Variants in CSMD1 observed in about 807,000 individuals in gnomAD.
CSMD1 encodes the protein CUB and sushi domain-containing protein 1.
CSMD1 carries 213 observed loss-of-function variants against 417.5 expected under a neutral mutation model. The ratio of observed to expected loss-of-function variants is 0.51; its 90% confidence interval spans 0.46 to 0.57. The LOEUF (loss-of-function observed/expected upper bound fraction) is 0.57. Ranked by LOEUF, CSMD1 falls within the 20% of genes least tolerant of loss-of-function variation. The pLI is 0.00. For missense variants in CSMD1, 6,923 were observed against 4,529.7 expected (o/e 1.53, Z -15.17); for synonymous variants, 2,862 against 1,736.8 (o/e 1.65, Z -16.11).
intron 5 of CSMD1, among the ~76,000 whole-genome samples, chr8:3,962,725 C>T (rs966313663): frequency 1.2e-4 from 18 of 152,028 alleles, no homozygotes; most frequent in Non-Finnish European, 2.1e-4. Context: ...GCAGACTCTT[C>T]GGGTTGGACT....
chr8:3,643,128 A>T (rs1020196199), intron 7 of CSMD1, among the ~76,000 whole-genome samples: 2 of 152,118 alleles, frequency 1.3e-5, no homozygotes, highest in African/African-American at 2.4e-5. Context: ...ACAATTTAAC[A>T]GTCAGGGAAA....
intron 2 of CSMD1, among the ~76,000 whole-genome samples, chr8:4,548,531 G>T (rs904736331): frequency 6.6e-6 from 1 of 152,024 alleles, no homozygotes; most frequent in Non-Finnish European, 1.5e-5. Flanking sequence ...AAAAATGAAT[G>T]CCTTTCATGT....
intron 2 of CSMD1, among the ~76,000 whole-genome samples, chr8:4,471,574 G>A (rs749862710): frequency 4.6e-5 from 7 of 151,996 alleles, no homozygotes; most frequent in Admixed American, 2.0e-4. Context: ...ACGAAGGCCC[G>A]TTTTAGAGAG....
At chr8:3,448,755 A>G (rs1815497113) in intron 12 of CSMD1, among the ~76,000 whole-genome samples, 1 of 152,182 alleles carries the variant, frequency 6.6e-6, no homozygotes, top group African/African-American at 2.4e-5. Flanking sequence ...GATGCATTAC[A>G]GAGAAAAGCT....
At chr8:4,390,981 C>G (rs924889434) in intron 3 of CSMD1, among the ~76,000 whole-genome samples, 2 of 152,166 alleles carry the variant, frequency 1.3e-5, no homozygotes, top group African/African-American at 4.8e-5. Context: ...CTGTAACTTT[C>G]TACCATATGT....
rs964461180 is a variant in CSMD1 at position 3,639,658 on chromosome 8, C to T, written c.1010-22861G>A. 2.0e-5 allele frequency among the ~76,000 whole-genome samples: 3 copies of T among 152,178 alleles called. No individual in the cohort carries two copies. In the South Asian group the frequency reaches 6.2e-4, roughly 32 times the overall value. ...CCCTCATTTGAACACTGTATCAAAA[C>T]ATAAGTGGAATGATGTATGTAAACC... On this transcript the variant is annotated intron_variant, in intron 7 of 69. Transcript: ENST00000635120.
intron 5 of CSMD1, among the ~76,000 whole-genome samples, chr8:3,817,292 T>TTTTTTTTTTTTTTTA (rs1563109891): frequency 2.1e-5 from 2 of 93,548 alleles, no homozygotes; most frequent in African/African-American, 1.1e-4. Flanking sequence ...TTTTTTTTTT[T>TTTTTTTTTTTTTTTA]TTTTTTGAGA....
chr8:3,821,873 G>A (rs145495464), intron 5 of CSMD1, among the ~76,000 whole-genome samples: 1 of 152,164 alleles, frequency 6.6e-6, no homozygotes, highest in Non-Finnish European at 1.5e-5. Flanking sequence ...AAGTCACACG[G>A]AGAAGGTAAA....
intron 3 of CSMD1, among the ~76,000 whole-genome samples, chr8:4,089,861 C>T (rs1800625154): frequency 1.3e-5 from 2 of 152,128 alleles, no homozygotes; most frequent in Non-Finnish European, 2.9e-5. Context: ...GGTGGGATCT[C>T]ACCACAGAGA....
intron 3 of CSMD1, among the ~76,000 whole-genome samples, chr8:4,329,868 AC>A (rs1799770762): frequency 6.6e-6 from 1 of 151,538 alleles, no homozygotes; most frequent in Non-Finnish European, 1.5e-5. Context: ...ACACACACAC[AC>A]ACACAGACAC....
Position 4,823,580 on chromosome 8 carries a change from G to A in CSMD1, c.85+170752C>T, listed in dbSNP as rs60628717. On this transcript the variant is annotated intron_variant, in intron 1 of 69. Coordinates refer to ENST00000635120, the MANE Select transcript of CSMD1 (RefSeq NM_033225.6). Reference sequence around the variant, plus strand: ...GTAGTATATGAGCCCAGTACACACAGCAAAGATGGGCATTTGCCCACTCAA... The same window carrying A: ...GTAGTATATGAGCCCAGTACACACAACAAAGATGGGCATTTGCCCACTCAA... 1.1e-4 allele frequency among the ~76,000 whole-genome samples: 17 copies of A among 152,118 alleles called. No homozygotes were observed. In the East Asian group the frequency reaches 2.1e-3, roughly 19 times the overall value.
At chr8:4,422,690 G>C (rs921005803) in intron 2 of CSMD1, among the ~76,000 whole-genome samples, 1 of 151,972 alleles carries the variant, frequency 6.6e-6, no homozygotes, top group Admixed American at 6.6e-5. Context: ...GCAGCCTAAA[G>C]AGACTAAGAC....
intron 5 of CSMD1, among the ~76,000 whole-genome samples, chr8:3,825,803 T>G (rs79952924): frequency 0.038 from 5,741 of 152,290 alleles, 149 homozygotes; most frequent in South Asian, 0.063. Flanking sequence ...CCAGATGATA[T>G]GGAATTGAAA....
chr8:3,941,824 A>G (rs1810902686), intron 5 of CSMD1, among the ~76,000 whole-genome samples: 1 of 152,156 alleles, frequency 6.6e-6, no homozygotes, highest in South Asian at 2.1e-4. Flanking sequence ...AAATAAAAAT[A>G]TAGCGCAATT....
intron 5 of CSMD1, among the ~76,000 whole-genome samples, chr8:3,901,589 G>A (rs943185813): frequency 1.3e-5 from 2 of 152,142 alleles, no homozygotes; most frequent in African/African-American, 4.8e-5. Flanking sequence ...AGAGCCTTGG[G>A]GCTCAGATCT....
intron 2 of CSMD1, among the ~76,000 whole-genome samples, chr8:4,444,916 A>G (rs552437450): frequency 6.6e-6 from 1 of 152,218 alleles, no homozygotes; most frequent in South Asian, 2.1e-4. Flanking sequence ...GGTCTTACAT[A>G]TTTGCTCCCT....
At chr8:4,029,169 T>A (rs537985139) in intron 4 of CSMD1, among the ~76,000 whole-genome samples, 1 of 152,282 alleles carries the variant, frequency 6.6e-6, no homozygotes, top group South Asian at 2.1e-4. Flanking sequence ...GACATAAACA[T>A]TGGCATCAAA....
intron 5 of CSMD1, among the ~76,000 whole-genome samples, chr8:3,847,954 A>G (rs547889275): frequency 2.0e-5 from 3 of 152,136 alleles, no homozygotes; most frequent in South Asian, 2.1e-4. Context: ...AAAACAACCA[A>G]TGATTTTTAT....
chr8:3,832,650 A>G (rs1305532680), intron 5 of CSMD1, among the ~76,000 whole-genome samples: 1 of 152,208 alleles, frequency 6.6e-6, no homozygotes, highest in Non-Finnish European at 1.5e-5. Flanking sequence ...AGTACTTACA[A>G]CGAAACTGAG....
Sources: gnomAD v4.1 joint callset for allele counts (sites outside exome capture counted in the v4.1 genomes callset) on GRCh38, gnomAD v4.1.1 for gene constraint, MANE v1.5 for transcripts, NCBI Gene and HGNC (gene_info 2026-07-23, HGNC 2026-07-21) for gene names.